The following TRAPPC12 variants were observed in gnomAD, a reference collection of about 807,000 sequenced individuals.
TRAPPC12 encodes trafficking protein particle complex subunit 12.
A neutral mutation model predicts 69.2 loss-of-function variants in TRAPPC12; 61 were observed. The observed-to-expected ratio is 0.88, with a 90% confidence interval of 0.72 to 1.09. The LOEUF is 1.09. Ranked by LOEUF, TRAPPC12 falls within the 50% of genes least tolerant of loss-of-function variation. TRAPPC12 has a pLI of 0.00. For missense variants in TRAPPC12, 1,101 were observed against 1,016.4 expected (o/e 1.08, Z -1.13); for synonymous variants, 469 against 438.9 (o/e 1.07, Z -0.86).
chr2:3,418,428 C>T (rs1662575624), intron 3 of TRAPPC12, among the ~76,000 whole-genome samples: 1 of 152,198 alleles, frequency 6.6e-6, no homozygotes, highest in South Asian at 2.1e-4. Flanking sequence ...TGAAGTCAGC[C>T]CACAGTCCTC....
At chr2:3,406,899 G>GT (rs1166853748) in intron 3 of TRAPPC12, among the ~76,000 whole-genome samples, 3 of 152,194 alleles carry the variant, frequency 2.0e-5, no homozygotes, top group African/African-American at 7.2e-5. Flanking sequence ...GGTTTGATGT[G>GT]TTTCATACGT....
chr2:3,443,132 CTCT>C (rs1017686526), intron 5 of TRAPPC12, among the ~76,000 whole-genome samples: 42 of 152,224 alleles, frequency 2.8e-4, no homozygotes, highest in African/African-American at 9.9e-4. Flanking sequence ...GAGCTTCTTC[CTCT>C]TCTTAGCGCA....
At chr2:3,416,553 C>G (rs1391048404) in intron 3 of TRAPPC12, among the ~76,000 whole-genome samples, 2 of 90,104 alleles carry the variant, frequency 2.2e-5, no homozygotes. Context: ...TGCCTCTTCA[C>G]TGTGCCCTCC....
chr2:3,384,488 C>T (rs898159391), intron 1 of TRAPPC12, among the ~76,000 whole-genome samples: 5 of 152,158 alleles, frequency 3.3e-5, no homozygotes, highest in African/African-American at 1.2e-4. Context: ...AAGTTACTTT[C>T]TGTTGCTAGT....
chr2:3,438,557 GATCCCCCCTCACCCCTGGATTA>G (rs1196260466), intron 5 of TRAPPC12, among the ~76,000 whole-genome samples: 1 of 51,794 alleles, frequency 1.9e-5, no homozygotes, highest in Non-Finnish European at 3.6e-5. Context: ...CCCGTGGATT[GATCCCCCCTCACCCCTGGATTA>G]ATCCCCCCAT....
chr2:3,454,028 A>G (rs889323716), intron 6 of TRAPPC12, among the ~76,000 whole-genome samples: 2 of 151,590 alleles, frequency 1.3e-5, no homozygotes, highest in Non-Finnish European at 2.9e-5. Flanking sequence ...CAAATAAAAC[A>G]ATAGTCACTG....
At chr2:3,416,567 T>A (rs1323125774) in intron 3 of TRAPPC12, among the ~76,000 whole-genome samples, 1 of 61,610 alleles carries the variant, frequency 1.6e-5, no homozygotes, top group East Asian at 6.3e-4. Flanking sequence ...GCCCTCCCCC[T>A]GCCCCTTCAC....
intron 3 of TRAPPC12, among the ~76,000 whole-genome samples, chr2:3,408,916 G>A (rs1263582340): frequency 1.3e-5 from 2 of 152,180 alleles, no homozygotes; most frequent in African/African-American, 2.4e-5. Flanking sequence ...TATCCCACAC[G>A]TGCACCTGTT....
intron 8 of TRAPPC12, among the ~76,000 whole-genome samples, chr2:3,464,523 C>T (rs532562953): frequency 4.6e-5 from 7 of 152,292 alleles, no homozygotes; most frequent in African/African-American, 1.4e-4. Context: ...TGGGATTATA[C>T]GATGAGTAAG....
intron 5 of TRAPPC12, among the ~76,000 whole-genome samples, chr2:3,433,981 C>T (rs974300964): frequency 6.6e-6 from 1 of 152,140 alleles, no homozygotes; most frequent in Non-Finnish European, 1.5e-5. Context: ...GCTTGACAAC[C>T]ACCCTCAGCA....
intron 7 of TRAPPC12, 115 bp downstream of exon 7, chr2:3,457,808 T>C: frequency 6.7e-7 from 1 of 1,482,992 alleles, no homozygotes; most frequent in Admixed American, 2.4e-5. Context: ...GCACTGCACG[T>C]GTCCACTCGT....
At position 3,388,359 on chromosome 2, in the gene TRAPPC12, G is replaced by C; in HGVS notation, c.736G>C (p.Ala246Pro). Residue 246 changes from alanine (A) to proline (P), a missense_variant, in exon 2 of 12, where the codon GCC (alanine) becomes CCC (proline). Transcript: ENST00000324266. ...TCCCGGCGCGGGCTCCCCGGCCCCC[G>C]CCAGCCCGCCTCCCCTCGCTGTGCC... ...SNPGAGSPAP[A>P]SPPPLAVPGT... 1 of 1,592,512 alleles carries C rather than the reference G, an allele frequency of 6.3e-7. No individual in the cohort carries two copies. The highest frequency in any genetic ancestry group is 1.4e-5 in the African/African-American group (1 of 73,296).
chr2:3,448,699 G>T (rs56176536), intron 6 of TRAPPC12, among the ~76,000 whole-genome samples: 6,641 of 51,452 alleles, frequency 0.13, no homozygotes, highest in South Asian at 0.16. Context: ...AGCCGGTTAC[G>T]CGAGGGTAGG....
intron 7 of TRAPPC12, chr2:3,457,940 A>C: frequency 7.2e-7 from 1 of 1,385,182 alleles, no homozygotes; most frequent in Non-Finnish European, 9.3e-7. Context: ...TTCACCACAA[A>C]AGCACACGGC....
intron 9 of TRAPPC12, among the ~76,000 whole-genome samples, chr2:3,474,089 A>G (rs1160493932): frequency 2.0e-5 from 3 of 152,214 alleles, no homozygotes; most frequent in African/African-American, 7.2e-5. Context: ...GGTGATGAGG[A>G]ATCCCAAAAC....
At chr2:3,431,141 G>A (rs1406262856) in intron 5 of TRAPPC12, among the ~76,000 whole-genome samples, 1 of 152,358 alleles carries the variant, frequency 6.6e-6, no homozygotes, top group Non-Finnish European at 1.5e-5. Flanking sequence ...TGTCAAAGAT[G>A]CTCTCTCTCC....
At chr2:3,389,741 T>C (rs1010128403) in intron 2 of TRAPPC12, 15 of 470,978 alleles carry the variant, frequency 3.2e-5, no homozygotes, top group Non-Finnish European at 6.6e-5. Context: ...GTTCTTGTCC[T>C]GCCTCCAAGA....
chr2:3,463,594 C>T (rs1303552320), intron 8 of TRAPPC12, among the ~76,000 whole-genome samples: 1 of 150,530 alleles, frequency 6.6e-6, no homozygotes, highest in African/African-American at 2.5e-5. Flanking sequence ...AAACACTGAC[C>T]CCTGGCCCTG....
At chr2:3,455,860 G>A (rs931932295) in intron 6 of TRAPPC12, 1 of 152,174 alleles carries the variant, frequency 6.6e-6, no homozygotes, top group African/African-American at 2.4e-5. Context: ...TTTCTTTGGA[G>A]TATATATCTA....
Sources: gnomAD v4.1 joint callset for allele counts (sites outside exome capture counted in the v4.1 genomes callset) on GRCh38, gnomAD v4.1.1 for gene constraint, MANE v1.5 for transcripts, NCBI Gene and HGNC (gene_info 2026-07-23, HGNC 2026-07-21) for gene names.